The following LENG8 variants were observed in gnomAD, a reference collection of about 807,000 sequenced individuals.
The protein encoded by LENG8 is leukocyte receptor cluster member 8.
In LENG8, 28 loss-of-function variants were observed where a neutral mutation model predicts 102.1. The observed-to-expected ratio is 0.27, with a 90% CI of 0.20 to 0.38. The LOEUF (loss-of-function observed/expected upper bound fraction) is 0.38, where lower values mean the gene tolerates loss of function less well. Among genes scored for constraint, LENG8 ranks in the 10% least tolerant of loss-of-function variants. The pLI is 1.00. For synonymous variants in LENG8, 531 were observed against 456.7 expected, an observed-to-expected ratio of 1.16 and a Z score of -2.07; for missense variants, 1,022 against 1,113.9, an observed-to-expected ratio of 0.92 and a Z score of 1.17.
intron 11 of LENG8, among the ~76,000 whole-genome samples, chr19:54,457,481 C>T (rs1405471422): frequency 6.6e-6 from 1 of 152,184 alleles, no homozygotes; most frequent in Non-Finnish European, 1.5e-5. Context: ...GCTGGGATTA[C>T]AGGCGTCTGC....
At position 54,458,420 on chromosome 19, in the gene LENG8, C is replaced by T; in HGVS notation, c.2139C>T (p.Arg713=). 6.2e-7 allele frequency: 1 copy of T among 1,614,286 alleles called. No individual in the cohort carries two copies. Reference sequence around the variant, plus strand: ...CCTGGGCCCTGGGCAACTACCACCGCTTTTTCCGGCTCTACTGCCATGCAC... The same window carrying T: ...CCTGGGCCCTGGGCAACTACCACCGTTTTTTCCGGCTCTACTGCCATGCAC... ...RTAWALGNYH[R]FFRLYCHAPC... The change falls in exon 15 of 16, where the codon CGC becomes CGT. Residue 713 remains arginine (R), a synonymous_variant. Coordinates refer to ENST00000326764, the MANE Select transcript of LENG8 (RefSeq NM_052925.4).
In LENG8 at chr19:54,454,547, G is replaced by T; in HGVS notation, c.544G>T (p.Gly182Cys). The T allele has an allele frequency of 6.2e-7, 1 of 1,613,360 alleles. No homozygotes were observed. Among genetic ancestry groups the T allele is most frequent in the East Asian group, 2.2e-5 (1 of 44,846 alleles). The change falls in exon 6 of 16, where the codon GGC becomes TGC. Residue 182 changes from glycine to cysteine, a missense_variant. By Grantham distance (159) the Gly-to-Cys change is radical. This residue lies in a region of LENG8 where 343 missense variants were observed against 320.2 expected (regional missense o/e 1.07). Coordinates refer to ENST00000326764, the MANE Select transcript of LENG8 (RefSeq NM_052925.4). Reference protein sequence around the residue: ...PPHGAHTLNSGPQPGTAPATQ... With the variant: ...PPHGAHTLNSCPQPGTAPATQ... Reference sequence around the variant, plus strand: ...ACATGGGGCTCACACGCTGAACAGTGGCCCTCAGCCTGGGACAGCTCCAGC... The same window carrying T: ...ACATGGGGCTCACACGCTGAACAGTTGCCCTCAGCCTGGGACAGCTCCAGC...
Position 54,460,924 on chromosome 19 carries a change from T to C in LENG8, c.2399T>C (p.Phe800Ser). Residue 800 changes from phenylalanine (F) to serine (S), a missense_variant, in exon 16 of 16, where the codon TTC (phenylalanine) becomes TCC (serine). Physicochemically the swap from Phe to Ser is radical, Grantham distance 155. Transcript: ENST00000326764. ...CRLSLAQLSAF is the reference protein window; with the variant it reads ...CRLSLAQLSAS ...CTCAGCCTGGCGCAGCTGTCAGCCT[T>C]CTGAGCACCCAGCGAGGAGGGGCGG... The C allele has an allele frequency of 1.3e-6, 2 of 1,547,214 alleles. No homozygotes were observed. The highest frequency in any genetic ancestry group is 1.7e-6 in the Non-Finnish European group (2 of 1,148,514).
intron 15 of LENG8, chr19:54,459,965 G>A: frequency 8.2e-7 from 1 of 1,217,062 alleles, no homozygotes; most frequent in South Asian, 1.4e-5. Context: ...TACCTAATTG[G>A]CCTTGGTTGG....
rs1282244090 is a variant in LENG8 at position 54,461,079 on chromosome 19, G to T, written c.*151G>T. ...CCATCCCTGCCCCCGTTTTCCCACC[G>T]GGGAGTCTGTACAGAGATTTTTCTA... is the stretch of plus-strand genomic sequence containing the variant. On this transcript the variant is annotated 3_prime_UTR_variant, in exon 16 of 16. Coordinates refer to ENST00000326764, the MANE Select transcript of LENG8 (RefSeq NM_052925.4). The T allele has an allele frequency of 5.1e-6, 6 of 1,168,978 alleles. No homozygotes were observed. The highest frequency in any genetic ancestry group is 1.4e-5 in the South Asian group (1 of 73,518). The allele number at this position is 1,168,978 out of a possible 1,614,324, so 72.4% of individuals were successfully genotyped here. A position where few individuals can be genotyped will look rare whatever the true frequency, so the allele number is the denominator to read the frequency against.
At chr19:54,455,733 G>C (rs1475664634) in intron 8 of LENG8, among the ~76,000 whole-genome samples, 166 bp downstream of exon 8, 1 of 152,104 alleles carries the variant, frequency 6.6e-6, no homozygotes, top group Non-Finnish European at 1.5e-5. Context: ...GGAGGCCGGT[G>C]GGGTGGGGTG....
chr19:54,461,382 T>C lies in LENG8; in HGVS notation c.*454T>C, dbSNP rs1487369029. ...GCAAGCCCGCCCACCGCCCGCTGCC[T>C]CACCTGCTTCGCCACAGACTCTTGT... On this transcript the variant is annotated 3_prime_UTR_variant, in exon 16 of 16. Coordinates refer to ENST00000326764, the MANE Select transcript of LENG8 (RefSeq NM_052925.4). The C allele has an allele frequency of 2.2e-6, 1 of 458,122 alleles. No homozygotes were observed. Among genetic ancestry groups the C allele is most frequent in the South Asian group, 1.6e-5 (1 of 64,490 alleles). The allele number at this position is 458,122 out of a possible 1,614,324, so 28.4% of individuals were successfully genotyped here. A position where few individuals can be genotyped will look rare whatever the true frequency, so the allele number is the denominator to read the frequency against.
At position 54,461,741 on chromosome 19, in the gene LENG8, C is replaced by T; in HGVS notation, c.*813C>T. On this transcript the variant is annotated 3_prime_UTR_variant, in exon 16 of 16. Coordinates refer to ENST00000326764, the MANE Select transcript of LENG8 (RefSeq NM_052925.4). ...ACCAGCTCACGTCATGTTGCCTTCTCTTTTCTTTGTGTGTGTGTTTATTTA... is the reference window on the plus strand; with the variant it reads ...ACCAGCTCACGTCATGTTGCCTTCTTTTTTCTTTGTGTGTGTGTTTATTTA... 1.9e-6 allele frequency: 1 copy of T among 522,136 alleles called. No individual in the cohort carries two copies. Among genetic ancestry groups the T allele is most frequent in the Admixed American group, 2.3e-5 (1 of 43,882 alleles). The allele number at this position is 522,136 out of a possible 1,614,324, so 32.3% of individuals were successfully genotyped here. A position where few individuals can be genotyped will look rare whatever the true frequency, so the allele number is the denominator to read the frequency against.
At chr19:54,459,981 T>A in intron 15 of LENG8, 3 of 1,231,332 alleles carry the variant, frequency 2.4e-6, no homozygotes, top group Non-Finnish European at 3.1e-6. Flanking sequence ...GTTGGGAACA[T>A]AGCCATGAGT....
rs997955280 is a variant in LENG8 at position 54,461,686 on chromosome 19, G to T, written c.*758G>T. The T allele has an allele frequency of 6.2e-6, 3 of 481,202 alleles. No individual in the cohort carries two copies. Among genetic ancestry groups the T allele is most frequent in the South Asian group, 4.6e-5 (3 of 64,652 alleles). The allele number at this position is 481,202 out of a possible 1,614,324, so 29.8% of individuals were successfully genotyped here. On this transcript the variant is annotated 3_prime_UTR_variant, in exon 16 of 16. Transcript: ENST00000326764. ...TCCCTTGGTTCAGCACAGGTAAAACGGTTCCCCTCCCTCCCTGCCTTCATG... is the reference window on the plus strand; with the variant it reads ...TCCCTTGGTTCAGCACAGGTAAAACTGTTCCCCTCCCTCCCTGCCTTCATG...
At position 54,452,632 on chromosome 19, in the gene LENG8, T is replaced by G; in HGVS notation, c.214-19T>G. 6.6e-7 allele frequency: 1 copy of G among 1,520,340 alleles called. No individual in the cohort carries two copies. The highest frequency in any genetic ancestry group is 8.8e-7 in the Non-Finnish European group (1 of 1,140,342). 94.2% of individuals were successfully genotyped at this position (1,520,340 alleles called of 1,614,324 possible). On this transcript the variant is annotated intron_variant, in intron 3 of 15. Transcript: ENST00000326764. ...GTGGATTTGGGCTGCTGACGGCACA[T>G]GTGCCTCTGCTTCCACAGTACGTGT...
chr19:54,454,743 G>C lies in LENG8; in HGVS notation c.679+61G>C, dbSNP rs947837947. 5.3e-6 allele frequency: 8 copies of C among 1,508,806 alleles called. No homozygotes were observed. In the African/African-American group the frequency reaches 9.7e-5, roughly 18 times the overall value. The allele number at this position is 1,508,806 out of a possible 1,614,324, so 93.5% of individuals were successfully genotyped here. A position where few individuals can be genotyped will look rare whatever the true frequency, so the allele number is the denominator to read the frequency against. On this transcript the variant is annotated intron_variant, in intron 6 of 15. Transcript: ENST00000326764. ...TGGGCCCTCATAAGAGCTCCTGGGT[G>C]TGAGGCCCGTGGTGTGTGCTGCTCC...
At position 54,450,077 on chromosome 19, in the gene LENG8, T is replaced by C. The variant is rs1011478196; in HGVS notation, c.-56+767T>C. Among the ~76,000 whole-genome samples, 22 of 152,338 alleles carry C rather than the reference T, an allele frequency of 1.4e-4. No homozygotes were observed. The East Asian group carries it at 4.2e-3, about 29-fold the overall frequency. ...GGAGTTTAGGCTCCTGAATCCTTGCTCCGGAGACACTCCACTTTTCTTCCA... is the reference window on the plus strand; with the variant it reads ...GGAGTTTAGGCTCCTGAATCCTTGCCCCGGAGACACTCCACTTTTCTTCCA... On this transcript the variant is annotated intron_variant, in intron 1 of 15. Transcript: ENST00000326764.
At chr19:54,457,663 G>C in intron 11 of LENG8, 84 bp from the exon 12 acceptor site, 1 of 964,164 alleles carries the variant, frequency 1.0e-6, no homozygotes, top group South Asian at 1.3e-5. Context: ...TTTTAATGTT[G>C]CAACTCTCCC....
chr19:54,454,957 C>T lies in LENG8; in HGVS notation c.686C>T (p.Pro229Leu). 3 of 1,614,210 alleles carry T rather than the reference C, an allele frequency of 1.9e-6. No individual in the cohort carries two copies. The highest frequency in any genetic ancestry group is 2.5e-6 in the Non-Finnish European group (3 of 1,180,036). The change falls in exon 7 of 16, where the codon CCT becomes CTT. Residue 229 changes from proline to leucine, a missense_variant. Pro to Leu is a moderately conservative substitution (Grantham distance 98). Coordinates refer to ENST00000326764, the MANE Select transcript of LENG8 (RefSeq NM_052925.4). ...GCTTTCGCTGCCCTCACAGCCGCCC[C>T]TGGGACTGGAGGTCTCAAGTTCAAC... ...QQLWNRMKPA[P>L]GTGGLKFNIQ... is the part of the protein sequence containing the mutation.
chr19:54,460,952 G>A lies in LENG8; in HGVS notation c.*24G>A. ...GAGCACCCAGCGAGGAGGGGCGGGGGCAGGGGCTGCAGCCCCCAGCGCTGC... is the reference window on the plus strand; with the variant it reads ...GAGCACCCAGCGAGGAGGGGCGGGGACAGGGGCTGCAGCCCCCAGCGCTGC... On this transcript the variant is annotated 3_prime_UTR_variant, in exon 16 of 16. Coordinates refer to ENST00000326764, the MANE Select transcript of LENG8 (RefSeq NM_052925.4). 1 of 1,539,438 alleles carries A rather than the reference G, an allele frequency of 6.5e-7. No individual in the cohort carries two copies. Among genetic ancestry groups the A allele is most frequent in the Non-Finnish European group, 8.7e-7 (1 of 1,146,824 alleles).
intron 8 of LENG8, 65 bp from the exon 9 acceptor site, chr19:54,455,902 G>A: frequency 6.6e-7 from 1 of 1,525,960 alleles, no homozygotes; most frequent in East Asian, 2.3e-5. Context: ...CTTGAGGGAG[G>A]TGGTGGCGGC....
At chr19:54,456,285 G>A in intron 9 of LENG8, 40 bp downstream of exon 9, 1 of 1,614,140 alleles carries the variant, frequency 6.2e-7, no homozygotes, top group Non-Finnish European at 8.5e-7. Flanking sequence ...TGAGGGAGGG[G>A]GAGGCGTTTC....
chr19:54,456,513 A>G, intron 10 of LENG8, 48 bp downstream of exon 10: 2 of 1,560,392 alleles, frequency 1.3e-6, no homozygotes, highest in Non-Finnish European at 8.6e-7. Flanking sequence ...GGAGGAGGGT[A>G]CTGGGGACCC....
Sources: gnomAD v4.1 joint callset for allele counts (sites outside exome capture counted in the v4.1 genomes callset) on GRCh38, gnomAD v4.1.1 for gene constraint, gnomAD v4.1.1 regional missense constraint, MANE v1.5 for transcripts, NCBI Gene and HGNC (gene_info 2026-07-23, HGNC 2026-07-21) for gene names.